KDM4B: variants seen among roughly 807,000 people sequenced by gnomAD.
The protein encoded by KDM4B is lysine demethylase 4B.
A neutral mutation model predicts 125.2 loss-of-function variants in KDM4B; 32 were observed. The observed-to-expected ratio is 0.26, with a 90% CI of 0.19 to 0.34. The LOEUF (loss-of-function observed/expected upper bound fraction) is 0.34. Among genes scored for constraint, KDM4B ranks in the 10% least tolerant of loss-of-function variants. The pLI is 1.00. For synonymous variants in KDM4B, 721 were observed against 677.9 expected (o/e 1.06, Z -0.99); for missense variants, 1,190 against 1,577.7 (o/e 0.75, Z 4.16).
At chr19:5,040,419 G>A (rs2036771700) in intron 4 of KDM4B, among the ~76,000 whole-genome samples, 2 of 152,178 alleles carry the variant, frequency 1.3e-5, no homozygotes, top group South Asian at 2.1e-4. Flanking sequence ...ACACACATGG[G>A]TACACAGGGC....
At chr19:5,092,186 G>C (rs987536592) in intron 9 of KDM4B, among the ~76,000 whole-genome samples, 2 of 152,166 alleles carry the variant, frequency 1.3e-5, no homozygotes, top group Non-Finnish European at 2.9e-5. Flanking sequence ...AGAAGGCCTC[G>C]TTTAGTCTCT....
chr19:5,132,641 G>T (rs184173233), intron 13 of KDM4B, among the ~76,000 whole-genome samples: 1 of 152,106 alleles, frequency 6.6e-6, no homozygotes, highest in South Asian at 2.1e-4. Flanking sequence ...AGGGGCCCCC[G>T]CGGGCTGGCT....
At chr19:4,991,241 C>T (rs986158214) in intron 1 of KDM4B, among the ~76,000 whole-genome samples, 4 of 151,806 alleles carry the variant, frequency 2.6e-5, no homozygotes, top group African/African-American at 9.7e-5. Flanking sequence ...AAACCATCAA[C>T]CCATGGCAAC....
chr19:5,150,323 A>G (rs2039924421), intron 21 of KDM4B, 35 bp from the exon 22 acceptor site: 7 of 1,526,820 alleles, frequency 4.6e-6, no homozygotes, highest in Non-Finnish European at 6.2e-6. Flanking sequence ...CCATCCTGGC[A>G]GTGCCAGGCC....
At chr19:5,051,547 G>C (rs1042028098) in intron 6 of KDM4B, among the ~76,000 whole-genome samples, 5 of 152,250 alleles carry the variant, frequency 3.3e-5, no homozygotes, top group Non-Finnish European at 5.9e-5. Context: ...GTCGTGAGCT[G>C]ATGGGACATG....
intron 9 of KDM4B, among the ~76,000 whole-genome samples, chr19:5,101,093 G>A (rs1438256646): frequency 6.6e-6 from 1 of 151,640 alleles, no homozygotes; most frequent in African/African-American, 2.4e-5. Context: ...ATGGCGGTGG[G>A]TGCCTGTAAT....
At chr19:5,120,209 G>A (rs2039334871) in intron 11 of KDM4B, among the ~76,000 whole-genome samples, 1 of 152,198 alleles carries the variant, frequency 6.6e-6, no homozygotes, top group Admixed American at 6.5e-5. Context: ...TTGGTGGCTT[G>A]CACCTATAGT....
intron 1 of KDM4B, among the ~76,000 whole-genome samples, chr19:5,012,995 G>A (rs2035777516): frequency 6.6e-6 from 1 of 152,252 alleles, no homozygotes; most frequent in Non-Finnish European, 1.5e-5. Context: ...TGCGGATGGG[G>A]ACCAGGGTGG....
At position 5,151,554 on chromosome 19, in the gene KDM4B, C is replaced by T. The variant is rs2039948813; in HGVS notation, c.*43C>T. The T allele has an allele frequency of 1.5e-6, 2 of 1,300,758 alleles. No individual in the cohort carries two copies. Among genetic ancestry groups the T allele is most frequent in the Non-Finnish European group, 2.0e-6 (2 of 1,019,014 alleles). The allele number at this position is 1,300,758 out of a possible 1,614,324, so 80.6% of individuals were successfully genotyped here. A position where few individuals can be genotyped will look rare whatever the true frequency, so the allele number is the denominator to read the frequency against. On this transcript the variant is annotated 3_prime_UTR_variant, in exon 23 of 23. Transcript: ENST00000159111. ...GCGACCCTCAGCCCGGCGGGGAGGC[C>T]ATGGCATGCCCCGGGCGTTCGCTTG...
chr19:5,064,369 T>G (rs1194170368), intron 6 of KDM4B, among the ~76,000 whole-genome samples: 1 of 151,520 alleles, frequency 6.6e-6, no homozygotes, highest in Non-Finnish European at 1.5e-5. Flanking sequence ...ACTGTGAAAT[T>G]AACTTTCTCA....
intron 10 of KDM4B, chr19:5,111,512 T>G (rs1599209085): frequency 2.6e-6 from 2 of 764,968 alleles, no homozygotes; most frequent in African/African-American, 3.4e-5. Flanking sequence ...GGTCCCGGCC[T>G]AGGAGGAGAT....
intron 6 of KDM4B, among the ~76,000 whole-genome samples, chr19:5,066,179 T>C (rs2037763770): frequency 6.6e-6 from 1 of 152,184 alleles, no homozygotes; most frequent in South Asian, 2.1e-4. Flanking sequence ...TCTTGCCCAG[T>C]GGGTGGCTTT....
chr19:5,034,038 G>A (rs945327513), intron 3 of KDM4B, among the ~76,000 whole-genome samples: 1 of 152,244 alleles, frequency 6.6e-6, no homozygotes, highest in African/African-American at 2.4e-5. Context: ...GGAGGCTGAG[G>A]CGGGAGGATC....
chr19:5,095,551 C>T (rs1000738848), intron 9 of KDM4B, among the ~76,000 whole-genome samples: 1 of 152,250 alleles, frequency 6.6e-6, no homozygotes, highest in African/African-American at 2.4e-5. Flanking sequence ...ATGCTGCCAG[C>T]CAGGCTGCTG....
Position 5,107,773 on chromosome 19 carries a change from G to A in KDM4B, c.919-2849G>A, listed in dbSNP as rs536732467. 9.8e-5 allele frequency among the ~76,000 whole-genome samples: 15 copies of A among 152,314 alleles called. No homozygotes were observed. In the East Asian group the frequency reaches 2.7e-3, roughly 27 times the overall value. Reference sequence around the variant, plus strand: ...GCTGGGTCTCCTCACCAGCCCTAGCGGGTTTCTCTCCCACACTGTGGCCCT... The same window carrying A: ...GCTGGGTCTCCTCACCAGCCCTAGCAGGTTTCTCTCCCACACTGTGGCCCT... On this transcript the variant is annotated intron_variant, in intron 9 of 22. Coordinates refer to ENST00000159111, the MANE Select transcript of KDM4B (RefSeq NM_015015.3).
In KDM4B at chr19:4,971,945, C is replaced by T. The variant is rs1490005201; in HGVS notation, c.-109+2715C>T. ...GGAGAGCAGATGAACAGGGTGGGGGCTCGGGGCGGGGGGAGCTCCGCAGGC... is the reference window on the plus strand; with the variant it reads ...GGAGAGCAGATGAACAGGGTGGGGGTTCGGGGCGGGGGGAGCTCCGCAGGC... On this transcript the variant is annotated intron_variant, in intron 1 of 22. Transcript: ENST00000159111. This position sits in a 1 kb window ranked among gnomAD's most constrained non-coding sequence, Gnocchi z 4.1. Among the ~76,000 whole-genome samples, 5 of 147,868 alleles carry T rather than the reference C, an allele frequency of 3.4e-5. 1 individual carries two copies. Among genetic ancestry groups the T allele is most frequent in the African/African-American group, 5.0e-5 (2 of 40,160 alleles).
chr19:5,019,657 TGCA>T (rs1159070332), intron 2 of KDM4B, among the ~76,000 whole-genome samples: 13 of 148,406 alleles, frequency 8.8e-5, no homozygotes, highest in Non-Finnish European at 1.2e-4. Context: ...GACGTTGGTG[TGCA>T]GGTGTTGGCG....
At chr19:4,977,055 TG>T (rs2034471622) in intron 1 of KDM4B, among the ~76,000 whole-genome samples, 1 of 152,180 alleles carries the variant, frequency 6.6e-6, no homozygotes, top group Non-Finnish European at 1.5e-5. Context: ...TTTTTATTTT[TG>T]CTTGCCCCCT....
intron 18 of KDM4B, 185 bp downstream of exon 18, chr19:5,138,255 C>T: frequency 1.7e-6 from 1 of 589,364 alleles, no homozygotes; most frequent in East Asian, 2.8e-5. Flanking sequence ...TTGAATCCTT[C>T]CCCGAGGTGC....
Sources: gnomAD v4.1 joint callset for allele counts (sites outside exome capture counted in the v4.1 genomes callset) on GRCh38, gnomAD v4.1.1 for gene constraint, Gnocchi (gnomAD v3.1) non-coding constraint, MANE v1.5 for transcripts, NCBI Gene and HGNC (gene_info 2026-07-23, HGNC 2026-07-21) for gene names.